NT5DC1: variants seen among roughly 807,000 people sequenced by gnomAD.
The protein encoded by NT5DC1 is 5'-nucleotidase domain containing 1.
In NT5DC1, 42 loss-of-function variants were observed where a neutral mutation model predicts 59.4. That is an observed-to-expected ratio of 0.71 (90% CI 0.55 to 0.92). NT5DC1 has a LOEUF of 0.92. Among genes scored for constraint, NT5DC1 ranks in the 40% least tolerant of loss-of-function variants. The pLI is 0.00. For synonymous variants in NT5DC1, 172 were observed against 188.1 expected (o/e 0.91, Z 0.70); for missense variants, 501 against 537.1 (o/e 0.93, Z 0.66).
intron 6 of NT5DC1, among the ~76,000 whole-genome samples, chr6:116,176,346 A>T (rs760005682): frequency 6.6e-6 from 1 of 152,066 alleles, no homozygotes; most frequent in Non-Finnish European, 1.5e-5. Flanking sequence ...GCTTAGCATT[A>T]TGTGGTTTGC....
chr6:116,101,905 C>T (rs978370320), intron 1 of NT5DC1, among the ~76,000 whole-genome samples: 7 of 152,188 alleles, frequency 4.6e-5, no homozygotes, highest in African/African-American at 1.4e-4. Context: ...GCGAGGACTC[C>T]TCAGCCAGAC....
intron 6 of NT5DC1, chr6:116,120,464 A>G: frequency 6.8e-6 from 11 of 1,614,276 alleles, no homozygotes; most frequent in Non-Finnish European, 9.3e-6. Context: ...AAAAGCAGAC[A>G]CAGGCATTCC....
At chr6:116,236,506 C>A (rs1445490615) in intron 8 of NT5DC1, among the ~76,000 whole-genome samples, 1 of 152,196 alleles carries the variant, frequency 6.6e-6, no homozygotes, top group Non-Finnish European at 1.5e-5. Flanking sequence ...TAGGGTAAAG[C>A]ATTTGAGGCA....
chr6:116,136,832 CAG>C (rs1779619062), intron 6 of NT5DC1, among the ~76,000 whole-genome samples: 1 of 152,114 alleles, frequency 6.6e-6, no homozygotes, highest in Admixed American at 6.6e-5. Context: ...AGATACGAAA[CAG>C]AATATTTAGT....
chr6:116,147,696 A>C (rs1261634413), intron 6 of NT5DC1, among the ~76,000 whole-genome samples: 1 of 152,202 alleles, frequency 6.6e-6, no homozygotes, highest in Non-Finnish European at 1.5e-5. Context: ...TAAACTTTAA[A>C]AATGTTAAAT....
At chr6:116,117,827 A>G in intron 5 of NT5DC1, 34 bp from the exon 6 acceptor site, 1 of 1,218,792 alleles carries the variant, frequency 8.2e-7, no homozygotes, top group Non-Finnish European at 1.2e-6. Flanking sequence ...AAACTGAATT[A>G]TTGTGTTTGT....
intron 6 of NT5DC1, among the ~76,000 whole-genome samples, chr6:116,144,451 ATGT>A (rs60042675): frequency 0.14 from 21,596 of 151,552 alleles, 2,101 homozygotes; most frequent in East Asian, 0.43. Context: ...CAGTGAGCTG[ATGT>A]TGTGCCACTG....
At chr6:116,108,083 T>C (rs146815387) in intron 2 of NT5DC1, among the ~76,000 whole-genome samples, 1 of 152,314 alleles carries the variant, frequency 6.6e-6, no homozygotes, top group African/African-American at 2.4e-5. Context: ...GTTCTTTTTT[T>C]CTCTTTTGAG....
intron 6 of NT5DC1, among the ~76,000 whole-genome samples, chr6:116,132,152 G>A (rs1582823121): frequency 6.6e-6 from 1 of 152,116 alleles, no homozygotes; most frequent in Admixed American, 6.6e-5. Flanking sequence ...GGGTGTATAT[G>A]TAGCCTGAAT....
intron 6 of NT5DC1, among the ~76,000 whole-genome samples, chr6:116,131,487 C>G (rs1259557938): frequency 6.6e-6 from 1 of 152,072 alleles, no homozygotes; most frequent in Admixed American, 6.6e-5. Context: ...TTTTCTTGAC[C>G]TGAACTGCAG....
Position 116,238,976 on chromosome 6 carries a change from AATACTTC to A in NT5DC1, c.1108_1114del (p.Thr370LeufsTer81). Reference sequence around the variant, plus strand: ...TCAGGGACCAAAAGCAAAACCTTTAAATACTTCATCTAAAAAATGGGGCTCTTTTTTT... The same window carrying A: ...TCAGGGACCAAAAGCAAAACCTTTAAATCTAAAAAATGGGGCTCTTTTTTT... On this transcript the variant is annotated frameshift_variant, in exon 11 of 12. Coordinates refer to ENST00000319550, the MANE Select transcript of NT5DC1 (RefSeq NM_152729.3). LOFTEE classifies it high-confidence loss of function. The A allele has an allele frequency of 6.2e-7, 1 of 1,604,002 alleles. No individual in the cohort carries two copies. The highest frequency in any genetic ancestry group is 8.5e-7 in the Non-Finnish European group (1 of 1,171,392).
chr6:116,101,148 G>C, intron 1 of NT5DC1, 125 bp downstream of exon 1: 1 of 664,278 alleles, frequency 1.5e-6, no homozygotes, highest in Non-Finnish European at 2.4e-6. Context: ...TCTTGCCGCA[G>C]AGCGCGGCCT....
intron 9 of NT5DC1, among the ~76,000 whole-genome samples, 168 bp downstream of exon 9, chr6:116,237,252 C>T (rs1289337214): frequency 1.3e-5 from 2 of 152,072 alleles, no homozygotes; most frequent in African/African-American, 4.8e-5. Context: ...AAGCAGGGCA[C>T]CACAGATTTA....
chr6:116,133,205 A>T (rs1042732340), intron 6 of NT5DC1, among the ~76,000 whole-genome samples: 1 of 152,142 alleles, frequency 6.6e-6, no homozygotes, highest in African/African-American at 2.4e-5. Flanking sequence ...AAAAATATAG[A>T]ATGTCTTGGC....
chr6:116,146,272 C>A (rs1423656601), intron 6 of NT5DC1, among the ~76,000 whole-genome samples: 1 of 152,192 alleles, frequency 6.6e-6, no homozygotes. Flanking sequence ...CAAAAGTTAT[C>A]TAGGCTTCAG....
At chr6:116,216,580 T>A (rs1781691507) in intron 6 of NT5DC1, among the ~76,000 whole-genome samples, 1 of 151,956 alleles carries the variant, frequency 6.6e-6, no homozygotes, top group Non-Finnish European at 1.5e-5. Flanking sequence ...TGAGAGACTT[T>A]CCAAGTATTA....
chr6:116,113,489 TC>T (rs1382780847), intron 4 of NT5DC1, among the ~76,000 whole-genome samples: 3 of 152,242 alleles, frequency 2.0e-5, no homozygotes, highest in Non-Finnish European at 4.4e-5. Context: ...ATGAGCTGTC[TC>T]TTCTATACAG....
intron 6 of NT5DC1, among the ~76,000 whole-genome samples, chr6:116,212,690 TGGCAGGGA>T (rs1781603678): frequency 6.6e-6 from 1 of 152,118 alleles, no homozygotes; most frequent in African/African-American, 2.4e-5. Context: ...ATTTAATGGG[TGGCAGGGA>T]GGCAGGGGAA....
At chr6:116,221,018 A>G (rs1781787880) in intron 6 of NT5DC1, 36 bp from the exon 7 acceptor site, 4 of 1,047,458 alleles carry the variant, frequency 3.8e-6, no homozygotes, top group Non-Finnish European at 4.3e-6. Context: ...AAAAATGTTT[A>G]AAAAGAAAAA....
Sources: allele counts gnomAD v4.1 joint callset (sites outside exome capture counted in the v4.1 genomes callset), GRCh38; gene constraint gnomAD v4.1.1; transcripts MANE v1.5; gene names NCBI Gene and HGNC (gene_info 2026-07-23, HGNC 2026-07-21).